The following PTPRT variants were observed in gnomAD, a reference collection of about 807,000 sequenced individuals.
The protein encoded by PTPRT is protein tyrosine phosphatase receptor type T, also known as receptor-type tyrosine-protein phosphatase T.
In PTPRT, 56 loss-of-function variants were observed where a neutral mutation model predicts 176.8. That is an observed-to-expected ratio of 0.32 (90% CI 0.26 to 0.40). PTPRT has a LOEUF of 0.40. Among genes scored for constraint, PTPRT ranks in the 10% least tolerant of loss-of-function variants. PTPRT has a pLI of 1.00. For missense variants in PTPRT, 1,540 were observed against 1,908.2 expected (o/e 0.81, Z 3.60); for synonymous variants, 783 against 739.0 (o/e 1.06, Z -0.96).
chr20:42,552,011 T>G lies in PTPRT; in HGVS notation c.1154-79449A>C, dbSNP rs371808214. Among the ~76,000 whole-genome samples the G allele has an allele frequency of 3.0e-3, 464 of 152,286 alleles. 18 individuals carry two copies. In the South Asian group the frequency reaches 0.091, roughly 30 times the overall value. On this transcript the variant is annotated intron_variant, in intron 7 of 30. Coordinates refer to ENST00000373187, the MANE Select transcript of PTPRT (RefSeq NM_007050.6). ...TACCATCAGTCTATAACACCAACTT[T>G]GCTGTGCATCATTCTTTTCTAACCT...
At chr20:42,403,112 C>G (rs12624949) in intron 9 of PTPRT, among the ~76,000 whole-genome samples, 1 of 152,152 alleles carries the variant, frequency 6.6e-6, no homozygotes, top group Admixed American at 6.5e-5. Flanking sequence ...TTACCTCCCC[C>G]CTTTTCTTTT....
intron 7 of PTPRT, among the ~76,000 whole-genome samples, chr20:42,619,668 CT>C (rs2074150318): frequency 7.3e-6 from 1 of 136,352 alleles, no homozygotes; most frequent in Admixed American, 7.0e-5. Context: ...CTAAACTTCC[CT>C]TCTCGCTTCA....
rs185015889 is a variant in PTPRT at position 43,059,912 on chromosome 20, G to A, written c.88+129734C>T. On this transcript the variant is annotated intron_variant, in intron 1 of 30. Coordinates refer to ENST00000373187, the MANE Select transcript of PTPRT (RefSeq NM_007050.6). ...GAGAACTGCTTGAACCCAGGAGGGGGAAGTTGCAGTGAGCTGAGATTGTGC... is the reference window on the plus strand; with the variant it reads ...GAGAACTGCTTGAACCCAGGAGGGGAAAGTTGCAGTGAGCTGAGATTGTGC... Among the ~76,000 whole-genome samples the A allele has an allele frequency of 5.3e-3, 804 of 152,190 alleles. 9 individuals are homozygous for A. Among genetic ancestry groups the A allele is most frequent in the Non-Finnish European group, 5.1e-3 (345 of 68,024 alleles).
chr20:43,117,505 G>A (rs1291119679), intron 1 of PTPRT, among the ~76,000 whole-genome samples: 1 of 152,106 alleles, frequency 6.6e-6, no homozygotes, highest in Admixed American at 6.5e-5. Context: ...TTGAGTAGGA[G>A]GTGGGGGTCA....
intron 2 of PTPRT, among the ~76,000 whole-genome samples, chr20:42,840,619 G>C (rs1336861620): frequency 6.6e-6 from 1 of 152,010 alleles, no homozygotes; most frequent in Non-Finnish European, 1.5e-5. Context: ...CACCATGTTG[G>C]CCAGGCTGGT....
intron 1 of PTPRT, among the ~76,000 whole-genome samples, chr20:43,185,186 T>C (rs1275959142): frequency 2.0e-5 from 3 of 152,248 alleles, no homozygotes; most frequent in Admixed American, 2.0e-4. Context: ...TGTTTGCAAA[T>C]GCTATTATAC....
intron 9 of PTPRT, among the ~76,000 whole-genome samples, chr20:42,410,074 GC>G (rs1357971936): frequency 1.3e-5 from 2 of 152,072 alleles, no homozygotes; most frequent in Non-Finnish European, 2.9e-5. Flanking sequence ...GATGTTTCAT[GC>G]AAAAACTTAG....
At chr20:42,703,483 C>A (rs2076004893) in intron 6 of PTPRT, among the ~76,000 whole-genome samples, 1 of 152,132 alleles carries the variant, frequency 6.6e-6, no homozygotes, top group Non-Finnish European at 1.5e-5. Flanking sequence ...TGAACCCCAA[C>A]CTAAAAGTGG....
intron 1 of PTPRT, among the ~76,000 whole-genome samples, chr20:43,127,115 G>GA (rs1033718714): frequency 6.6e-5 from 10 of 151,610 alleles, no homozygotes; most frequent in African/African-American, 1.2e-4. Flanking sequence ...CCCTAAACAA[G>GA]AAAAAAAATG....
At chr20:42,571,299 G>T (rs2073148602) in intron 7 of PTPRT, among the ~76,000 whole-genome samples, 1 of 152,188 alleles carries the variant, frequency 6.6e-6, no homozygotes, top group African/African-American at 2.4e-5. Flanking sequence ...TAGGAAAGAA[G>T]GATAGAGAAG....
chr20:42,770,133 AT>A (rs1386137174), intron 5 of PTPRT, among the ~76,000 whole-genome samples: 2 of 152,160 alleles, frequency 1.3e-5, no homozygotes, highest in Admixed American at 1.3e-4. Flanking sequence ...GTTAGAAATA[AT>A]TTTTTGAGAA....
At chr20:42,253,886 T>C (rs748732450) in intron 13 of PTPRT, among the ~76,000 whole-genome samples, 3 of 152,208 alleles carry the variant, frequency 2.0e-5, no homozygotes, top group Non-Finnish European at 2.9e-5. Context: ...TCCTGCTGTC[T>C]ATTCTTTCCC....
At chr20:43,036,442 G>A (rs776907287) in intron 1 of PTPRT, among the ~76,000 whole-genome samples, 1 of 152,092 alleles carries the variant, frequency 6.6e-6, no homozygotes, top group Non-Finnish European at 1.5e-5. Context: ...ATGCAACCTG[G>A]TCCATATTAT....
At chr20:42,797,538 C>T (rs2425540) in intron 2 of PTPRT, among the ~76,000 whole-genome samples, 11,764 of 150,934 alleles carry the variant, frequency 0.078, 596 homozygotes, top group Admixed American at 0.14. Context: ...CTATCTCTCC[C>T]ACCCTCCCCC....
At chr20:42,969,445 A>G (rs1982491071) in intron 1 of PTPRT, 1 of 152,244 alleles carries the variant, frequency 6.6e-6, no homozygotes, top group African/African-American at 2.4e-5. Context: ...TCGGCCAGCT[A>G]TACTTGCCTC....
At chr20:43,142,226 T>A (rs961922665) in intron 1 of PTPRT, among the ~76,000 whole-genome samples, 3 of 152,164 alleles carry the variant, frequency 2.0e-5, no homozygotes, top group Non-Finnish European at 4.4e-5. Flanking sequence ...TAAACGGACT[T>A]GAATGCTCAA....
intron 23 of PTPRT, among the ~76,000 whole-genome samples, chr20:42,109,257 T>C (rs994026780): frequency 6.6e-6 from 1 of 151,712 alleles, no homozygotes; most frequent in Non-Finnish European, 1.5e-5. Flanking sequence ...GGCAGGGATG[T>C]GATAACTCAA....
At chr20:42,928,059 G>A (rs564013052) in intron 1 of PTPRT, among the ~76,000 whole-genome samples, 14 of 152,176 alleles carry the variant, frequency 9.2e-5, no homozygotes, top group African/African-American at 1.9e-4. Context: ...AAACTGGGAC[G>A]GGGTAAGGAG....
At chr20:42,484,862 C>T (rs2071441318) in intron 7 of PTPRT, among the ~76,000 whole-genome samples, 1 of 152,188 alleles carries the variant, frequency 6.6e-6, no homozygotes, top group African/African-American at 2.4e-5. Flanking sequence ...TCCACTCAGC[C>T]TAGGCACCTC....
Sources: allele counts gnomAD v4.1 joint callset (sites outside exome capture counted in the v4.1 genomes callset), GRCh38; gene constraint gnomAD v4.1.1; transcripts MANE v1.5; gene names NCBI Gene and HGNC (gene_info 2026-07-23, HGNC 2026-07-21).